The following COL18A1 variants were observed in gnomAD, a reference collection of about 807,000 sequenced individuals.
COL18A1 encodes the protein collagen alpha-1(XVIII) chain.
COL18A1 carries 133 observed loss-of-function variants against 168.0 expected under a neutral mutation model. The observed-to-expected ratio is 0.79, with a 90% CI of 0.69 to 0.91. COL18A1 has a LOEUF of 0.91. Ranked by LOEUF, COL18A1 falls within the 40% of genes least tolerant of loss-of-function variation. The probability of loss-of-function intolerance (pLI) is 0.00; values close to 1 mark genes in which losing one functional copy is unlikely to be tolerated. For missense variants in COL18A1, 2,126 were observed against 1,925.4 expected (o/e 1.10, Z -1.95); for synonymous variants, 949 against 809.0 (o/e 1.17, Z -2.94).
chr21:45,502,612 C>T (rs572945601), intron 32 of COL18A1: 2 of 152,320 alleles, frequency 1.3e-5, no homozygotes, highest in African/African-American at 4.8e-5. Flanking sequence ...GAACAACATT[C>T]CTGCACCTCT....
intron 27 of COL18A1, 80 bp from the exon 28 acceptor site, chr21:45,494,782 C>A: frequency 7.3e-7 from 1 of 1,369,606 alleles, no homozygotes; most frequent in Non-Finnish European, 1.0e-6. Context: ...TGCATGGCCC[C>A]TCCCCTTCCC....
intron 2 of COL18A1, chr21:45,455,464 C>G (rs568608028): frequency 1.3e-6 from 2 of 1,599,820 alleles, no homozygotes; most frequent in Admixed American, 1.7e-5. Flanking sequence ...AGGGCGTGAG[C>G]CTGGCTAGCC....
chr21:45,501,687 CCCCAGGGG>C lies in COL18A1; in HGVS notation c.2684-2322_2684-2315del, dbSNP rs1265676836. Among the ~76,000 whole-genome samples the C allele has an allele frequency of 2.2e-3, 327 of 148,480 alleles. 2 individuals carry two copies. The highest frequency in any genetic ancestry group is 7.4e-3 in the African/African-American group (298 of 40,012). On this transcript the variant is annotated intron_variant, in intron 32 of 41. Coordinates refer to ENST00000651438, the MANE Select transcript of COL18A1 (RefSeq NM_001379500.1). ...CGGTCACCTCCCTCTGCAGAAGGAC[CCCCAGGGG>C]CTCCACAGCCGGTCACCTCCCTCTG...
rs766970985 is a variant in COL18A1 at position 45,482,850 on chromosome 21, C to A, written c.1701+29C>A. On this transcript the variant is annotated intron_variant, in intron 15 of 41. Coordinates refer to ENST00000651438, the MANE Select transcript of COL18A1 (RefSeq NM_001379500.1). ...CAAGCAGAATCCCTGGCACATCAGT[C>A]CCCTGCCCCTGGTGCCCACTCAGTG... 1.5e-4 allele frequency: 249 copies of A among 1,613,990 alleles called. 1 individual carries two copies. Among genetic ancestry groups the A allele is most frequent in the Non-Finnish European group, 2.0e-4 (241 of 1,180,034 alleles).
intron 30 of COL18A1, 38 bp from the exon 31 acceptor site, chr21:45,497,012 C>T (rs1041968674): frequency 1.3e-6 from 2 of 1,531,002 alleles, no homozygotes; most frequent in African/African-American, 2.7e-5. Flanking sequence ...CATTTCAGAA[C>T]ATCGCCCTCA....
intron 2 of COL18A1, among the ~76,000 whole-genome samples, chr21:45,426,528 C>G (rs1364481359): frequency 6.6e-6 from 1 of 152,238 alleles, no homozygotes. Context: ...AGCGCTCCCC[C>G]ATCACGTCCG....
At chr21:45,412,809 G>A (rs2033337930) in intron 2 of COL18A1, among the ~76,000 whole-genome samples, 1 of 152,234 alleles carries the variant, frequency 6.6e-6, no homozygotes, top group South Asian at 2.1e-4. Flanking sequence ...CTGCCTTTGT[G>A]GATATGGAAT....
In COL18A1 at chr21:45,425,221, G is replaced by C. The variant is rs2033757655; in HGVS notation, c.106+19748G>C. 6.6e-6 allele frequency among the ~76,000 whole-genome samples: 1 copy of C among 152,162 alleles called. No individual in the cohort carries two copies. Among genetic ancestry groups the C allele is most frequent in the African/African-American group, 2.4e-5 (1 of 41,446 alleles). ...GCAGAGCCCCAGCCATGTGTGTGCT[G>C]AGTGCAGTGTGACCGCGTCCGCCCG... On this transcript the variant is annotated intron_variant, in intron 2 of 41. Transcript: ENST00000651438. This position sits in a 1 kb window ranked among gnomAD's most constrained non-coding sequence, Gnocchi z 4.1.
chr21:45,487,736 G>C lies in COL18A1; in HGVS notation c.1896+227G>C. ...GGGTGAGGGCCTGGTCTGCAAAGTG[G>C]GAGACACTGTGAGTGGTCAAGACAA... is the stretch of plus-strand genomic sequence containing the variant. On this transcript the variant is annotated intron_variant, in intron 17 of 41. Transcript: ENST00000651438. 4.4e-6 allele frequency: 3 copies of C among 677,724 alleles called. No individual in the cohort carries two copies. In the East Asian group the frequency reaches 8.3e-5, roughly 19 times the overall value. The allele number at this position is 677,724 out of a possible 1,614,324, so 42.0% of individuals were successfully genotyped here. A position where few individuals can be genotyped will look rare whatever the true frequency, so the allele number is the denominator to read the frequency against.
chr21:45,490,525 C>T (rs574894242), intron 20 of COL18A1, among the ~76,000 whole-genome samples, 179 bp downstream of exon 20: 340 of 87,454 alleles, frequency 3.9e-3, no homozygotes, highest in South Asian at 0.029. Context: ...TGCCCACTCC[C>T]GGGTCTCTGG....
At chr21:45,430,484 G>A (rs936629961) in intron 2 of COL18A1, among the ~76,000 whole-genome samples, 9 of 152,198 alleles carry the variant, frequency 5.9e-5, no homozygotes, top group Middle Eastern at 3.4e-3. Context: ...TCGAGACTGG[G>A]ATCCTGGGCT....
chr21:45,486,257 TTGCCTGCCGGGGAGC>T (rs1321649129), intron 15 of COL18A1, among the ~76,000 whole-genome samples: 3 of 150,682 alleles, frequency 2.0e-5, no homozygotes, highest in African/African-American at 7.4e-5. Flanking sequence ...TCTTCTCCCC[TTGCCTGCCGGGGAGC>T]CAGGGCTGGT....
chr21:45,510,456 C>T (rs747402190), intron 40 of COL18A1, among the ~76,000 whole-genome samples, 195 bp downstream of exon 40: 1 of 152,172 alleles, frequency 6.6e-6, no homozygotes, highest in African/African-American at 2.4e-5. Context: ...CTCTGCATCC[C>T]TGGGCACTGC....
intron 2 of COL18A1, among the ~76,000 whole-genome samples, chr21:45,464,858 C>T (rs1420185991): frequency 6.6e-6 from 1 of 152,340 alleles, no homozygotes; most frequent in African/African-American, 2.4e-5. Flanking sequence ...CCAGCTGCAG[C>T]ATCCCCTTGC....
chr21:45,439,658 C>A (rs2034314933), intron 2 of COL18A1, among the ~76,000 whole-genome samples: 1 of 152,200 alleles, frequency 6.6e-6, no homozygotes, highest in Admixed American at 6.5e-5. Flanking sequence ...TCCGGGTCTG[C>A]GAGCTGCGGC....
At chr21:45,496,422 T>C (rs1357139200) in intron 29 of COL18A1, 78 bp from the exon 30 acceptor site, 1 of 797,146 alleles carries the variant, frequency 1.3e-6, no homozygotes, top group East Asian at 2.4e-5. Flanking sequence ...TTTTTCTGAT[T>C]TTTCTGAACT....
intron 2 of COL18A1, among the ~76,000 whole-genome samples, chr21:45,430,817 C>T (rs1280690904): frequency 6.6e-6 from 1 of 152,178 alleles, no homozygotes; most frequent in African/African-American, 2.4e-5. Context: ...TGGGGCTGCC[C>T]TGGGAAGCCG....
At chr21:45,486,800 G>A in intron 15 of COL18A1, 61 bp from the exon 16 acceptor site, 1 of 1,517,344 alleles carries the variant, frequency 6.6e-7, no homozygotes, top group Non-Finnish European at 8.8e-7. Context: ...TGTCTACGCT[G>A]GGGTTGCAGG....
intron 32 of COL18A1, 115 bp downstream of exon 32, chr21:45,497,776 C>T (rs1602564737): frequency 2.1e-6 from 3 of 1,400,672 alleles, no homozygotes; most frequent in South Asian, 1.2e-5. Flanking sequence ...GGGTGGTGAC[C>T]ACCTCACCCT....
Sources: allele counts gnomAD v4.1 joint callset (sites outside exome capture counted in the v4.1 genomes callset), GRCh38; gene constraint gnomAD v4.1.1; non-coding constraint Gnocchi (gnomAD v3.1); transcripts MANE v1.5; gene names NCBI Gene and HGNC (gene_info 2026-07-23, HGNC 2026-07-21).